GBE1: variants seen among roughly 807,000 people sequenced by gnomAD.
The protein encoded by GBE1 is 1,4-alpha-glucan branching enzyme 1.
A neutral mutation model predicts 88.8 loss-of-function variants in GBE1; 70 were observed. The ratio of observed to expected loss-of-function variants is 0.79; its 90% CI spans 0.65 to 0.96. The LOEUF is 0.96. Among genes scored for constraint, GBE1 ranks in the 40% least tolerant of loss-of-function variants. GBE1 has a pLI of 0.00. For missense variants in GBE1, 872 were observed against 871.0 expected (o/e 1.00, Z -0.01); for synonymous variants, 284 against 300.1 (o/e 0.95, Z 0.56).
intron 7 of GBE1, among the ~76,000 whole-genome samples, chr3:81,610,283 T>C (rs1023601251): frequency 6.6e-6 from 1 of 152,200 alleles, no homozygotes; most frequent in Non-Finnish European, 1.5e-5. Context: ...CAGTGAAGTA[T>C]TTTAAAAATC....
chr3:81,761,640 A>AAGCCGAGGCG lies in GBE1; in HGVS notation c.-124_-123insCGCCTCGGCT, dbSNP rs1445414867. The AAGCCGAGGCG allele has an allele frequency of 1.3e-5, 17 of 1,260,290 alleles. No homozygotes were observed. The highest frequency in any genetic ancestry group is 1.0e-4 in the South Asian group (7 of 67,708). The allele number at this position is 1,260,290 out of a possible 1,614,324, so 78.1% of individuals were successfully genotyped here. A position where few individuals can be genotyped will look rare whatever the true frequency, so the allele number is the denominator to read the frequency against. On this transcript the variant is annotated 5_prime_UTR_variant, in exon 1 of 16. Coordinates refer to ENST00000429644, the MANE Select transcript of GBE1 (RefSeq NM_000158.4). ...GGAGGGCGCCTAGGCGTGTCGAGGC[A>AAGCCGAGGCG]AGCCGAGGCGAGCCGCGGCGGTCCG... is the stretch of plus-strand genomic sequence containing the variant.
At chr3:81,621,942 A>G (rs1332796439) in intron 7 of GBE1, among the ~76,000 whole-genome samples, 1 of 152,110 alleles carries the variant, frequency 6.6e-6, no homozygotes, top group Non-Finnish European at 1.5e-5. Context: ...AAAAACCAAT[A>G]TACTTCACCT....
At chr3:81,633,232 C>G (rs1704542510) in intron 7 of GBE1, among the ~76,000 whole-genome samples, 1 of 152,142 alleles carries the variant, frequency 6.6e-6, no homozygotes. Context: ...ATTGTGATGA[C>G]AGTGACAATG....
chr3:81,541,223 G>A (rs35381070), intron 12 of GBE1, among the ~76,000 whole-genome samples: 33,528 of 151,560 alleles, frequency 0.22, 3,973 homozygotes, highest in East Asian at 0.41. Context: ...ATCAGAGGAC[G>A]ATATTAACTC....
chr3:81,686,925 C>A (rs1705451320), intron 2 of GBE1, among the ~76,000 whole-genome samples: 1 of 152,004 alleles, frequency 6.6e-6, no homozygotes, highest in Non-Finnish European at 1.5e-5. Context: ...AAAGTATATA[C>A]ATACACTTTT....
At chr3:81,699,979 A>T (rs1705663374) in intron 2 of GBE1, among the ~76,000 whole-genome samples, 1 of 152,200 alleles carries the variant, frequency 6.6e-6, no homozygotes, top group African/African-American at 2.4e-5. Context: ...TTACAAGCTG[A>T]AGTTTTTAGA....
intron 4 of GBE1, among the ~76,000 whole-genome samples, chr3:81,649,512 TA>T (rs3836326): frequency 2.7e-5 from 4 of 149,636 alleles, no homozygotes; most frequent in Non-Finnish European, 4.5e-5. Flanking sequence ...AATTGTAGTT[TA>T]AAAAAAAAAC....
At chr3:81,630,352 C>G (rs1399512499) in intron 7 of GBE1, among the ~76,000 whole-genome samples, 1 of 152,062 alleles carries the variant, frequency 6.6e-6, no homozygotes. Context: ...ATCAAGCTAC[C>G]AATGACTTCC....
chr3:81,552,531 A>C (rs1230327933), intron 12 of GBE1, among the ~76,000 whole-genome samples: 6 of 150,242 alleles, frequency 4.0e-5, no homozygotes, highest in African/African-American at 1.5e-4. Flanking sequence ...AAAAAAAAAA[A>C]AAAAAAAAAA....
intron 7 of GBE1, among the ~76,000 whole-genome samples, chr3:81,636,909 T>A (rs187190947): frequency 5.3e-5 from 8 of 152,216 alleles, no homozygotes; most frequent in Admixed American, 5.2e-4. Context: ...TATAAAAAAA[T>A]TCAGTGCTTT....
chr3:81,700,877 C>T (rs901453899), intron 2 of GBE1, among the ~76,000 whole-genome samples: 3 of 152,054 alleles, frequency 2.0e-5, no homozygotes, highest in African/African-American at 2.4e-5. Context: ...AGGTGCCTAC[C>T]TCCCAGACTT....
At chr3:81,629,064 C>T (rs1356231188) in intron 7 of GBE1, among the ~76,000 whole-genome samples, 19 of 115,802 alleles carry the variant, frequency 1.6e-4, no homozygotes, top group African/African-American at 6.9e-4. Context: ...TTTTAGGGTA[C>T]ATGTGCACAT....
At chr3:81,687,231 A>C (rs1705454971) in intron 2 of GBE1, among the ~76,000 whole-genome samples, 1 of 152,178 alleles carries the variant, frequency 6.6e-6, no homozygotes, top group South Asian at 2.1e-4. Context: ...ATATTTAAGG[A>C]AGAAGAATGA....
At chr3:81,730,189 C>G (rs114859077) in intron 1 of GBE1, among the ~76,000 whole-genome samples, 4,682 of 152,126 alleles carry the variant, frequency 0.031, 251 homozygotes, top group African/African-American at 0.1. Flanking sequence ...TGTGCTCCAT[C>G]ACCCAGAAAC....
chr3:81,719,647 C>G lies in GBE1; in HGVS notation c.144-14034G>C, dbSNP rs1705992764. Among the ~76,000 whole-genome samples, 3 of 152,094 alleles carry G rather than the reference C, an allele frequency of 2.0e-5. No homozygotes were observed. In the South Asian group the frequency reaches 6.2e-4, roughly 32 times the overall value. ...ATTGATCTGAAGCAAGATCTGGAAA[C>G]AAATACTTTTTGAATATATAGTTTA... is the stretch of plus-strand genomic sequence containing the variant. On this transcript the variant is annotated intron_variant, in intron 1 of 15. Transcript: ENST00000429644.
chr3:81,660,684 T>C (rs145167553), intron 3 of GBE1, among the ~76,000 whole-genome samples: 2 of 149,012 alleles, frequency 1.3e-5, no homozygotes, highest in Non-Finnish European at 3.0e-5. Context: ...CATATTAGGA[T>C]GGATAAAGAT....
At chr3:81,526,709 G>T (rs1226277873) in intron 14 of GBE1, among the ~76,000 whole-genome samples, 1 of 152,102 alleles carries the variant, frequency 6.6e-6, no homozygotes. Context: ...ACTGCTCAAT[G>T]AAATAAAAGA....
chr3:81,519,349 T>C (rs1320321427), intron 14 of GBE1, among the ~76,000 whole-genome samples: 1 of 151,570 alleles, frequency 6.6e-6, no homozygotes, highest in Non-Finnish European at 1.5e-5. Context: ...AAAGATTTAG[T>C]CCTAGATTCA....
At chr3:81,603,577 C>T (rs916544072) in intron 7 of GBE1, among the ~76,000 whole-genome samples, 1 of 152,152 alleles carries the variant, frequency 6.6e-6, no homozygotes, top group South Asian at 2.1e-4. Context: ...TGCCTGCAAC[C>T]TCTGCCTCCC....
Sources: gnomAD v4.1 joint callset for allele counts (sites outside exome capture counted in the v4.1 genomes callset) on GRCh38, gnomAD v4.1.1 for gene constraint, MANE v1.5 for transcripts, NCBI Gene and HGNC (gene_info 2026-07-23, HGNC 2026-07-21) for gene names.